Variants in GLDN observed in about 807,000 individuals in gnomAD.
The protein encoded by GLDN is collomin.
Under a neutral mutation model 56.5 loss-of-function variants are expected in GLDN, and 47 were observed. The ratio of observed to expected loss-of-function variants is 0.83; its 90% CI spans 0.66 to 1.06. The LOEUF (loss-of-function observed/expected upper bound fraction) is 1.06, where lower values mean the gene tolerates loss of function less well. GLDN is among the 50% of genes least tolerant of loss of function. The probability of loss-of-function intolerance (pLI) is 0.00; values close to 1 mark genes in which losing one functional copy is unlikely to be tolerated. For missense variants in GLDN, 782 were observed against 714.3 expected, an observed-to-expected ratio of 1.09 and a Z score of -1.08; for synonymous variants, 332 against 278.8, an observed-to-expected ratio of 1.19 and a Z score of -1.90.
rs2037658585 is a variant in GLDN at position 51,377,480 on chromosome 15, C to G, written c.395C>G (p.Thr132Ser). 1 of 1,614,048 alleles carries G rather than the reference C, an allele frequency of 6.2e-7. No individual in the cohort carries two copies. The highest frequency in any genetic ancestry group is 8.5e-7 in the Non-Finnish European group (1 of 1,179,966). Reference sequence around the variant, plus strand: ...GTGATGGTGGACCTGTGCAACAGCACCAAGGGCATCTGCCTCACAGGTAGG... The same window carrying G: ...GTGATGGTGGACCTGTGCAACAGCAGCAAGGGCATCTGCCTCACAGGTAGG... The part of the protein sequence containing the change: ...IRVMVDLCNS[T>S]KGICLTGPSG... The change falls in exon 2 of 10, where the codon ACC becomes AGC. Residue 132 changes from threonine to serine, a missense_variant. Physicochemically the swap from Thr to Ser is moderately conservative, Grantham distance 58. Coordinates refer to ENST00000335449, the MANE Select transcript of GLDN (RefSeq NM_181789.4).
intron 1 of GLDN, among the ~76,000 whole-genome samples, chr15:51,356,444 A>G (rs1392908176): frequency 6.6e-6 from 1 of 152,204 alleles, no homozygotes; most frequent in African/African-American, 2.4e-5. Context: ...TTGGGACTGA[A>G]TATGACATTA....
At chr15:51,375,170 A>G (rs2141084704) in intron 1 of GLDN, among the ~76,000 whole-genome samples, 1 of 152,390 alleles carries the variant, frequency 6.6e-6, no homozygotes, top group East Asian at 1.9e-4. Flanking sequence ...AAATCTAGAT[A>G]CAATACAAAA....
intron 2 of GLDN, among the ~76,000 whole-genome samples, chr15:51,379,436 C>T (rs995652519): frequency 6.6e-6 from 1 of 152,194 alleles, no homozygotes; most frequent in Non-Finnish European, 1.5e-5. Flanking sequence ...CTCCTTGCAG[C>T]CAAGTGACCC....
chr15:51,359,978 C>CAAAAAA (rs58874237), intron 1 of GLDN, among the ~76,000 whole-genome samples: 41 of 92,724 alleles, frequency 4.4e-4, no homozygotes, highest in Non-Finnish European at 5.4e-4. Flanking sequence ...GACTCTGTCT[C>CAAAAAA]AAAAAAAAAA....
intron 1 of GLDN, among the ~76,000 whole-genome samples, chr15:51,372,108 G>A (rs1240492859): frequency 6.6e-6 from 1 of 152,198 alleles, no homozygotes. Context: ...GCATCACATA[G>A]CAAGGGATTG....
intron 6 of GLDN, 105 bp downstream of exon 6, chr15:51,397,703 G>T (rs1393330374): frequency 7.7e-7 from 1 of 1,299,804 alleles, no homozygotes; most frequent in East Asian, 2.8e-5. Context: ...AGAGGGAGGA[G>T]GGTTTTGTCC....
At chr15:51,413,361 T>C in the GLDN span, among the ~76,000 whole-genome samples, 1 of 152,154 alleles carries the variant, frequency 6.6e-6, no homozygotes, top group Non-Finnish European at 1.5e-5. Context: ...AGCCAAAAAA[T>C]CAGGTGAGCA....
intron 1 of GLDN, among the ~76,000 whole-genome samples, chr15:51,371,703 G>A (rs2141079363): frequency 6.6e-6 from 1 of 152,036 alleles, no homozygotes; most frequent in East Asian, 1.9e-4. Context: ...TTTTTTTCAA[G>A]ATGGAGTCTC....
intron 1 of GLDN, among the ~76,000 whole-genome samples, chr15:51,343,995 G>T (rs1172887640): frequency 6.6e-6 from 1 of 152,204 alleles, no homozygotes; most frequent in South Asian, 2.1e-4. Flanking sequence ...CTAACACTGA[G>T]TCTTTATTGT....
At chr15:51,383,326 A>C in intron 2 of GLDN, 110 bp from the exon 3 acceptor site, 1 of 1,181,078 alleles carries the variant, frequency 8.5e-7, no homozygotes, top group South Asian at 1.3e-5. Context: ...ACAAGGTGTC[A>C]AATCCATTGC....
At chr15:51,375,580 T>C (rs1229138633) in intron 1 of GLDN, among the ~76,000 whole-genome samples, 4 of 152,182 alleles carry the variant, frequency 2.6e-5, no homozygotes, top group Non-Finnish European at 4.4e-5. Context: ...GGAAGGGGTA[T>C]ACGGTGGGTG....
intron 4 of GLDN, among the ~76,000 whole-genome samples, chr15:51,392,364 C>G (rs865943872): frequency 6.6e-6 from 1 of 152,160 alleles, no homozygotes; most frequent in South Asian, 2.1e-4. Flanking sequence ...ATTAGATTCT[C>G]ATAGGAGTGC....
intron 1 of GLDN, among the ~76,000 whole-genome samples, chr15:51,355,357 G>T (rs1328008606): frequency 1.3e-5 from 2 of 152,136 alleles, no homozygotes; most frequent in Admixed American, 6.5e-5. Flanking sequence ...TCCAGCCATT[G>T]CCATGGCATT....
intron 1 of GLDN, among the ~76,000 whole-genome samples, chr15:51,357,314 T>A (rs1349214556): frequency 6.6e-6 from 1 of 152,214 alleles, no homozygotes; most frequent in Non-Finnish European, 1.5e-5. Context: ...TGTGAGACCA[T>A]GAATCCTTCA....
At chr15:51,380,057 A>C (rs554293575) in intron 2 of GLDN, among the ~76,000 whole-genome samples, 121 of 152,210 alleles carry the variant, frequency 7.9e-4, no homozygotes, top group African/African-American at 2.9e-3. Flanking sequence ...ACCAGAGTGG[A>C]AGGTGGCAGA....
chr15:51,388,727 A>G (rs2445742), intron 4 of GLDN, among the ~76,000 whole-genome samples: 33,251 of 152,236 alleles, frequency 0.22, 4,213 homozygotes, highest in Admixed American at 0.29. Context: ...GCTCTTAACC[A>G]CAGTGACACT....
rs763750572 is a variant in GLDN at position 51,397,507 on chromosome 15, G to T, written c.726G>T (p.Gly242=). 6.3e-7 allele frequency: 1 copy of T among 1,579,902 alleles called. No individual in the cohort carries two copies. Among genetic ancestry groups the T allele is most frequent in the Non-Finnish European group, 8.6e-7 (1 of 1,161,662 alleles). ...KGDQGPPGPP[G]PPGPPGPPGP... ...ACCAAGGCCCACCCGGTCCACCTGG[G>T]CCCCCAGGCCCTCCAGGTCCTCCAG... Residue 242 remains glycine (G), a synonymous_variant, in exon 6 of 10, where the codon GGG becomes GGT. Coordinates refer to ENST00000335449, the MANE Select transcript of GLDN (RefSeq NM_181789.4).
At chr15:51,410,496 G>C (rs1335712066), downstream of GLDN, among the ~76,000 whole-genome samples, 1 of 152,142 alleles carries the variant, frequency 6.6e-6, no homozygotes, top group Non-Finnish European at 1.5e-5. Flanking sequence ...TAGTGCCAGA[G>C]TACCCCATGG....
Position 51,380,533 on chromosome 15 carries a change from T to C in GLDN, c.416-2903T>C, listed in dbSNP as rs957033525. ...CCCCTGGAGAGCCAGGCTGGCATTC[T>C]GAGAGGACGGAGGACATCCCGCCAT... On this transcript the variant is annotated intron_variant, in intron 2 of 9. Coordinates refer to ENST00000335449, the MANE Select transcript of GLDN (RefSeq NM_181789.4). Among the ~76,000 whole-genome samples the C allele has an allele frequency of 3.9e-5, 6 of 152,226 alleles. No individual in the cohort carries two copies. In the East Asian group the frequency reaches 7.7e-4, roughly 20 times the overall value.
Sources: gnomAD v4.1 joint callset for allele counts (sites outside exome capture counted in the v4.1 genomes callset) on GRCh38, gnomAD v4.1.1 for gene constraint, MANE v1.5 for transcripts, NCBI Gene and HGNC (gene_info 2026-07-23, HGNC 2026-07-21) for gene names.